THSD7B: variants seen among roughly 807,000 people sequenced by gnomAD.
THSD7B encodes the protein thrombospondin type-1 domain-containing protein 7B.
In THSD7B, 138 loss-of-function variants were observed where a neutral mutation model predicts 213.6. The observed-to-expected ratio is 0.65, with a 90% CI of 0.56 to 0.74. The LOEUF is 0.74. Ranked by LOEUF, THSD7B falls within the 30% of genes least tolerant of loss-of-function variation. The pLI is 0.00. For synonymous variants in THSD7B, 742 were observed against 687.0 expected (o/e 1.08, Z -1.25); for missense variants, 1,931 against 1,991.5 (o/e 0.97, Z 0.58).
intron 2 of THSD7B, among the ~76,000 whole-genome samples, chr2:136,979,061 G>T (rs1685533151): frequency 6.6e-6 from 1 of 152,002 alleles, no homozygotes; most frequent in Non-Finnish European, 1.5e-5. Context: ...GCTTAGTTTG[G>T]CCAGATATGA....
intron 1 of THSD7B, among the ~76,000 whole-genome samples, chr2:136,832,104 A>G (rs1682766600): frequency 6.6e-6 from 1 of 152,052 alleles, no homozygotes; most frequent in Non-Finnish European, 1.5e-5. Flanking sequence ...CCAGTAGGCT[A>G]TAATAAGTAC....
chr2:137,667,916 A>ATACTT, intron 27 of THSD7B, 55 bp downstream of exon 27: 1 of 1,417,466 alleles, frequency 7.1e-7, no homozygotes, highest in Non-Finnish European at 9.6e-7. Context: ...ATTTCATGTT[A>ATACTT]TACTTAAAAC....
chr2:137,420,876 A>G (rs1686909291), intron 14 of THSD7B, among the ~76,000 whole-genome samples: 1 of 152,172 alleles, frequency 6.6e-6, no homozygotes, highest in Non-Finnish European at 1.5e-5. Flanking sequence ...AGTCAGGGCC[A>G]TGCTCACTCC....
chr2:136,878,347 T>G (rs1336386355), intron 1 of THSD7B, among the ~76,000 whole-genome samples: 4 of 152,244 alleles, frequency 2.6e-5, no homozygotes, highest in Admixed American at 2.0e-4. Context: ...TTCCAAGTCT[T>G]TGCTATTGTA....
At chr2:137,334,861 T>C (rs1684602397) in intron 12 of THSD7B, among the ~76,000 whole-genome samples, 1 of 152,178 alleles carries the variant, frequency 6.6e-6, no homozygotes, top group Non-Finnish European at 1.5e-5. Flanking sequence ...AATTGTCTTA[T>C]GGGAGCAGTT....
chr2:136,961,751 G>T (rs1359077450), intron 2 of THSD7B, among the ~76,000 whole-genome samples: 1 of 152,194 alleles, frequency 6.6e-6, no homozygotes, highest in African/African-American at 2.4e-5. Context: ...GAATGTGGTG[G>T]TCTCTGGAAT....
chr2:136,979,754 A>G (rs1013963162), intron 2 of THSD7B, among the ~76,000 whole-genome samples: 2 of 152,116 alleles, frequency 1.3e-5, no homozygotes, highest in African/African-American at 4.8e-5. Context: ...GAAGTTCATT[A>G]TTACCTATCT....
At chr2:136,945,328 C>A (rs1468329653) in intron 2 of THSD7B, among the ~76,000 whole-genome samples, 1 of 151,990 alleles carries the variant, frequency 6.6e-6, no homozygotes. Context: ...AGAGTTTCTG[C>A]CAAGAGTTCT....
At chr2:137,631,659 G>A (rs1682743935) in intron 20 of THSD7B, among the ~76,000 whole-genome samples, 1 of 152,118 alleles carries the variant, frequency 6.6e-6, no homozygotes, top group Non-Finnish European at 1.5e-5. Flanking sequence ...TCAATGCATG[G>A]TATTCTTGAT....
chr2:136,844,284 A>G (rs1682964887), intron 1 of THSD7B, among the ~76,000 whole-genome samples: 2 of 152,142 alleles, frequency 1.3e-5, no homozygotes, highest in Non-Finnish European at 2.9e-5. Context: ...GAAAGCTACC[A>G]GCATTCCTAA....
chr2:137,416,922 G>A (rs1686813281), intron 14 of THSD7B, among the ~76,000 whole-genome samples: 1 of 152,190 alleles, frequency 6.6e-6, no homozygotes, highest in Non-Finnish European at 1.5e-5. Flanking sequence ...AAGTGATCCA[G>A]TGACAAAAAT....
At chr2:137,465,915 T>C (rs1307274538) in intron 15 of THSD7B, among the ~76,000 whole-genome samples, 1 of 152,136 alleles carries the variant, frequency 6.6e-6, no homozygotes, top group Non-Finnish European at 1.5e-5. Flanking sequence ...CCTTACCTGA[T>C]GGCTGTGTAT....
chr2:137,473,136 A>T (rs1022796748), intron 15 of THSD7B, among the ~76,000 whole-genome samples: 2 of 151,748 alleles, frequency 1.3e-5, no homozygotes, highest in Non-Finnish European at 2.9e-5. Flanking sequence ...ATTCAGGAAA[A>T]ATTATCCACT....
At chr2:137,651,882 A>G (rs953950913) in intron 21 of THSD7B, among the ~76,000 whole-genome samples, 2 of 151,776 alleles carry the variant, frequency 1.3e-5, no homozygotes, top group Non-Finnish European at 2.9e-5. Flanking sequence ...CTTGTTATTT[A>G]TTTCTAACAG....
chr2:136,799,008 A>G (rs1335551078), intron 1 of THSD7B, among the ~76,000 whole-genome samples: 1 of 152,056 alleles, frequency 6.6e-6, no homozygotes, highest in Non-Finnish European at 1.5e-5. Flanking sequence ...AAGTGAATCC[A>G]TAGATTTTCT....
chr2:136,873,401 A>G (rs1204506135), intron 1 of THSD7B, among the ~76,000 whole-genome samples: 2 of 152,204 alleles, frequency 1.3e-5, no homozygotes, highest in African/African-American at 4.8e-5. Context: ...AGAGAGGAAG[A>G]GGCTGGTGGT....
At chr2:137,050,989 G>A (rs1000066822) in intron 2 of THSD7B, among the ~76,000 whole-genome samples, 4 of 152,172 alleles carry the variant, frequency 2.6e-5, no homozygotes, top group African/African-American at 9.7e-5. Flanking sequence ...GCTAGTGGAA[G>A]TTATTAATGA....
rs1461878017 is a variant in THSD7B at position 137,575,738 on chromosome 2, A to ATATATATATATATG, written c.3423+3187_3423+3188insATATATATGTATAT. Reference sequence around the variant, plus strand: ...TCCCATAACACACATATATATATATATATATTTTTACTTTAACATGCTTAC... The same window carrying ATATATATATATATG: ...TCCCATAACACACATATATATATATATATATATATATATGTATATTTTTACTTTAACATGCTTAC... On this transcript the variant is annotated intron_variant, in intron 17 of 27. Transcript: ENST00000409968. Among the ~76,000 whole-genome samples, 494 of 150,156 alleles carry ATATATATATATATG rather than the reference A, an allele frequency of 3.3e-3. 4 individuals are homozygous for ATATATATATATATG. The highest frequency in any genetic ancestry group is 9.0e-3 in the Admixed American group (135 of 14,954).
intron 1 of THSD7B, among the ~76,000 whole-genome samples, chr2:136,782,484 G>C (rs1681760271): frequency 6.6e-6 from 1 of 152,058 alleles, no homozygotes; most frequent in Admixed American, 6.5e-5. Context: ...TGAACCACTT[G>C]GCTGTGGTCA....
Sources: gnomAD v4.1 joint callset for allele counts (sites outside exome capture counted in the v4.1 genomes callset) on GRCh38, gnomAD v4.1.1 for gene constraint, MANE v1.5 for transcripts, NCBI Gene and HGNC (gene_info 2026-07-23, HGNC 2026-07-21) for gene names.